Variants in PCDHA4 observed in about 807,000 individuals in gnomAD.
PCDHA4 encodes the protein protocadherin alpha 4, also known as protocadherin alpha-4.
A neutral mutation model predicts 61.4 loss-of-function variants in PCDHA4; 49 were observed. That is an observed-to-expected ratio of 0.80 (90% CI 0.63 to 1.01). PCDHA4 has a LOEUF of 1.01. Among genes scored for constraint, PCDHA4 ranks in the 50% least tolerant of loss-of-function variants. PCDHA4 has a pLI of 0.00. For synonymous variants in PCDHA4, 590 were observed against 550.3 expected (o/e 1.07, Z -1.01); for missense variants, 1,254 against 1,235.8 (o/e 1.01, Z -0.22).
At position 141,009,692 on chromosome 5, in the gene PCDHA4, A is replaced by G. The variant is rs2098413739; in HGVS notation, c.2599A>G (p.Lys867Glu). The G allele has an allele frequency of 6.2e-7, 1 of 1,613,856 alleles. No homozygotes were observed. Among genetic ancestry groups the G allele is most frequent in the African/African-American group, 1.3e-5 (1 of 74,858 alleles). The stretch of plus-strand genomic sequence containing the variant: ...TGTCAACAGCAACAGCTGGACCTTT[A>G]AATACGGACCAGGCAACCCCAAACA... The part of the protein sequence containing the change: ...AGVNSNSWTF[K>E]YGPGNPKQSG... Residue 867 changes from lysine to glutamate, a missense_variant, in exon 4 of 4, where the codon AAA (lysine) becomes GAA (glutamate). Physicochemically the swap from Lys to Glu is moderately conservative, Grantham distance 56. Transcript: ENST00000530339.
intron 1 of PCDHA4, chr5:140,863,164 G>C (rs781940637): frequency 1.7e-5 from 11 of 661,132 alleles, no homozygotes; most frequent in Non-Finnish European, 3.0e-5. Context: ...CTGCGAGCTG[G>C]CGCTGACTGC....
intron 1 of PCDHA4, chr5:140,866,095 A>G (rs1475761817): frequency 6.6e-6 from 1 of 152,152 alleles, no homozygotes; most frequent in East Asian, 1.9e-4. Flanking sequence ...TGTAATTGTT[A>G]AGTAATTAAG....
At chr5:140,871,486 C>T in intron 1 of PCDHA4, 1 of 1,592,450 alleles carries the variant, frequency 6.3e-7, no homozygotes, top group African/African-American at 1.3e-5. Context: ...GTCAAATCAC[C>T]CCGGACAGGT....
rs544594142 is a variant in PCDHA4, at chr5:141,011,456, T to C, written c.*1519T>C. On this transcript the variant is annotated 3_prime_UTR_variant, in exon 4 of 4. Transcript: ENST00000530339. Reference sequence around the variant, plus strand: ...TACCTAGAGTGAACTTTAAGCTTTATTGTTGAATGTAATTCCATTATATTT... The same window carrying C: ...TACCTAGAGTGAACTTTAAGCTTTACTGTTGAATGTAATTCCATTATATTT... The C allele has an allele frequency of 1.3e-5, 2 of 153,928 alleles. No homozygotes were observed. The highest frequency in any genetic ancestry group is 6.8e-3 in the Middle Eastern group (2 of 292). 9.5% of individuals were successfully genotyped at this position (153,928 alleles called of 1,614,324 possible).
At chr5:140,849,851 A>C (rs148732691) in intron 1 of PCDHA4, 9 of 1,598,252 alleles carry the variant, frequency 5.6e-6, no homozygotes, top group East Asian at 4.5e-5. Context: ...ACGACAACGC[A>C]CCAGCGTTCG....
chr5:140,908,494 C>A (rs559456993), intron 1 of PCDHA4, among the ~76,000 whole-genome samples: 1 of 152,310 alleles, frequency 6.6e-6, no homozygotes, highest in East Asian at 1.9e-4. Flanking sequence ...GTTCAGGTTG[C>A]TTGGTGACTT....
At chr5:140,810,776 T>C (rs924462330) in intron 1 of PCDHA4, 2 of 152,156 alleles carry the variant, frequency 1.3e-5, no homozygotes, top group African/African-American at 4.8e-5. Flanking sequence ...CTTTTTTTAG[T>C]AGTTTTCAAC....
Position 140,927,828 on chromosome 5 carries a change from G to A in PCDHA4, c.2386-51121G>A, listed in dbSNP as rs782244639. The A allele has an allele frequency of 7.4e-6, 12 of 1,614,074 alleles. No individual in the cohort carries two copies. The South Asian group carries it at 9.9e-5, about 13-fold the overall frequency. On this transcript the variant is annotated intron_variant, in intron 1 of 3. Coordinates refer to ENST00000530339, the MANE Select transcript of PCDHA4 (RefSeq NM_018907.4). ...CGCTCTTGGAGGCATACATTGAGGC[G>A]AGGGACGAAGGTGTCTTTGGTTTAG...
chr5:140,898,330 G>A (rs536378486), intron 1 of PCDHA4, among the ~76,000 whole-genome samples: 29 of 152,102 alleles, frequency 1.9e-4, no homozygotes, highest in African/African-American at 6.0e-4. Flanking sequence ...TGGGTCTAAC[G>A]TTTAAGTCTT....
intron 1 of PCDHA4, among the ~76,000 whole-genome samples, chr5:140,949,414 C>G (rs887325816): frequency 6.6e-6 from 1 of 151,940 alleles, no homozygotes; most frequent in Non-Finnish European, 1.5e-5. Context: ...CACCTATCAT[C>G]ATTGTGTTTA....
chr5:140,856,457 CA>C, intron 1 of PCDHA4: 1 of 1,598,330 alleles, frequency 6.3e-7, no homozygotes, highest in East Asian at 2.2e-5. Context: ...CGTAACAGAA[CA>C]AAAGCTCTCA....
chr5:140,863,248 G>C (rs782700291), intron 1 of PCDHA4: 8 of 1,396,066 alleles, frequency 5.7e-6, no homozygotes, highest in Middle Eastern at 1.9e-4. Context: ...TTTGGCGGGC[G>C]TCGAGGTCCG....
chr5:140,832,681 A>C (rs1347638323), intron 1 of PCDHA4, among the ~76,000 whole-genome samples: 2 of 152,234 alleles, frequency 1.3e-5, no homozygotes, highest in Non-Finnish European at 1.5e-5. Flanking sequence ...GAATCATCGA[A>C]TTAACAAGAC....
At chr5:141,001,872 CAAG>C (rs1329160545) in intron 3 of PCDHA4, among the ~76,000 whole-genome samples, 1 of 152,126 alleles carries the variant, frequency 6.6e-6, no homozygotes, top group African/African-American at 2.4e-5. Flanking sequence ...TGCCCAAAAC[CAAG>C]AAGGAGCAAA....
chr5:140,982,324 C>G, intron 2 of PCDHA4, 151 bp from the exon 3 acceptor site: 2 of 1,393,878 alleles, frequency 1.4e-6, no homozygotes, highest in East Asian at 5.1e-5. Context: ...TGCAGGGTGA[C>G]TGCTCAGCAG....
intron 1 of PCDHA4, among the ~76,000 whole-genome samples, chr5:140,971,183 G>C (rs1471489236): frequency 1.3e-5 from 2 of 152,170 alleles, no homozygotes; most frequent in African/African-American, 4.8e-5. Flanking sequence ...CTGTAAGCCG[G>C]AAGCTCAGAG....
intron 3 of PCDHA4, among the ~76,000 whole-genome samples, chr5:140,987,354 G>A (rs1180342992): frequency 2.6e-5 from 4 of 152,166 alleles, no homozygotes; most frequent in Admixed American, 2.6e-4. Context: ...TATTCCTGAG[G>A]TTGTCTTATA....
intron 1 of PCDHA4, among the ~76,000 whole-genome samples, chr5:140,891,246 AT>A (rs1213637493): frequency 2.0e-5 from 3 of 151,650 alleles, no homozygotes; most frequent in Non-Finnish European, 4.4e-5. Flanking sequence ...ATTCAGTAGG[AT>A]TTTTTTTAAT....
intron 1 of PCDHA4, among the ~76,000 whole-genome samples, chr5:140,897,549 T>C (rs1356591020): frequency 2.6e-5 from 4 of 152,140 alleles, no homozygotes; most frequent in African/African-American, 7.2e-5. Flanking sequence ...TAGTCTTCCA[T>C]GGTGTATATG....
Sources: gnomAD v4.1 joint callset for allele counts (sites outside exome capture counted in the v4.1 genomes callset) on GRCh38, gnomAD v4.1.1 for gene constraint, MANE v1.5 for transcripts, NCBI Gene and HGNC (gene_info 2026-07-23, HGNC 2026-07-21) for gene names.